Variants in CNOT10 observed in about 807,000 individuals in gnomAD.
The protein encoded by CNOT10 is CCR4-NOT transcription complex, subunit 10.
A neutral mutation model predicts 94.6 loss-of-function variants in CNOT10; 30 were observed. The observed-to-expected ratio is 0.32, with a 90% CI of 0.24 to 0.43. The LOEUF (loss-of-function observed/expected upper bound fraction) is 0.43, where lower values mean the gene tolerates loss of function less well. Ranked by LOEUF, CNOT10 falls within the 20% of genes least tolerant of loss-of-function variation. The pLI is 1.00. For synonymous variants in CNOT10, 289 were observed against 301.6 expected (o/e 0.96, Z 0.43); for missense variants, 759 against 877.2 (o/e 0.87, Z 1.70).
Position 32,759,500 on chromosome 3 carries a change from G to A in CNOT10, c.1638G>A (p.Leu546=). 5 of 1,614,032 alleles carry A rather than the reference G, an allele frequency of 3.1e-6. No homozygotes were observed. In the South Asian group the frequency reaches 4.4e-5, roughly 14 times the overall value. The change falls in exon 14 of 19, where the codon TTG becomes TTA. Residue 546 remains leucine (L), a synonymous_variant. Transcript: ENST00000328834. ...LACSAYVALA[L]GDNLMALNHA... Reference sequence around the variant, plus strand: ...GCAGTGCCTACGTGGCTCTGGCTTTGGGTGATAACCTCATGGCTTTGAATC... The same window carrying A: ...GCAGTGCCTACGTGGCTCTGGCTTTAGGTGATAACCTCATGGCTTTGAATC...
chr3:32,737,077 G>A (rs1433879354), intron 12 of CNOT10, among the ~76,000 whole-genome samples: 1 of 152,200 alleles, frequency 6.6e-6, no homozygotes, highest in East Asian at 1.9e-4. Context: ...ACTTTGGGAG[G>A]CCAAGGCAGG....
rs188149027 is a variant in CNOT10, at chr3:32,765,229, A to G, written c.2004+420A>G. On this transcript the variant is annotated intron_variant, in intron 17 of 18. Coordinates refer to ENST00000328834, the MANE Select transcript of CNOT10 (RefSeq NM_015442.3). ...GCTACTCGGGAGGCTGAAGCAGGAG[A>G]ATCGCTTGAATCCGGGAGGCGGAGG... is the stretch of plus-strand genomic sequence containing the variant. 4.1e-4 allele frequency: 113 copies of G among 274,042 alleles called. No individual in the cohort carries two copies. The East Asian group carries it at 6.6e-3, about 16-fold the overall frequency. 17.0% of individuals were successfully genotyped at this position (274,042 alleles called of 1,614,324 possible).
At chr3:32,753,844 T>G in intron 13 of CNOT10, 1 of 1,532,204 alleles carries the variant, frequency 6.5e-7, no homozygotes, top group Non-Finnish European at 9.0e-7. Context: ...GCTGGTCTGA[T>G]GTAGGTAAAA....
intron 13 of CNOT10, among the ~76,000 whole-genome samples, chr3:32,755,963 T>C (rs1157941799): frequency 6.6e-6 from 1 of 152,098 alleles, no homozygotes; most frequent in African/African-American, 2.4e-5. Flanking sequence ...GTAAAGCAGA[T>C]TGGACAGTGA....
At chr3:32,745,472 G>GAT (rs1279306836) in intron 13 of CNOT10, among the ~76,000 whole-genome samples, 1 of 946 alleles carries the variant, frequency 1.1e-3, no homozygotes, top group Non-Finnish European at 2.6e-3. Context: ...ATTAAGGATT[G>GAT]AATAAACATT....
chr3:32,762,895 C>A, intron 15 of CNOT10, 32 bp downstream of exon 15: 2 of 1,475,330 alleles, frequency 1.4e-6, no homozygotes, highest in South Asian at 2.9e-5. Flanking sequence ...CAGAACTGGT[C>A]ACTGTTTCCA....
intron 8 of CNOT10, among the ~76,000 whole-genome samples, chr3:32,721,626 A>G (rs1370688347): frequency 6.6e-6 from 1 of 150,958 alleles, no homozygotes; most frequent in East Asian, 1.9e-4. Context: ...AATGCTAGGA[A>G]GATAAGTATT....
chr3:32,758,784 A>G (rs953124483), intron 13 of CNOT10, among the ~76,000 whole-genome samples: 4 of 152,232 alleles, frequency 2.6e-5, no homozygotes, highest in African/African-American at 4.8e-5. Flanking sequence ...AATATTATAG[A>G]AACTTAGATT....
In CNOT10 at chr3:32,759,673, A is replaced by G; in HGVS notation, c.1709+102A>G. On this transcript the variant is annotated intron_variant, in intron 14 of 18. Coordinates refer to ENST00000328834, the MANE Select transcript of CNOT10 (RefSeq NM_015442.3). ...TCTTTTGACTCCTCCAGTGGAATAT[A>G]TATTTGTAAGGAAAGCAACTGTTTA... 8 of 799,462 alleles carry G rather than the reference A, an allele frequency of 1.0e-5. 1 individual carries two copies. In the Admixed American group the frequency reaches 1.3e-4, roughly 13 times the overall value. 49.5% of individuals were successfully genotyped at this position (799,462 alleles called of 1,614,324 possible). A position where few individuals can be genotyped will look rare whatever the true frequency, so the allele number is the denominator to read the frequency against.
chr3:32,687,210 C>A (rs1052417696), intron 1 of CNOT10, among the ~76,000 whole-genome samples: 30 of 152,026 alleles, frequency 2.0e-4, no homozygotes, highest in African/African-American at 5.3e-4. Context: ...TTAATATGAT[C>A]TATGTCGCAT....
intron 13 of CNOT10, among the ~76,000 whole-genome samples, chr3:32,750,600 T>C (rs1043993632): frequency 6.6e-5 from 10 of 152,114 alleles, no homozygotes; most frequent in Non-Finnish European, 1.5e-4. Context: ...TTGCCCAGGC[T>C]GGAGTGCACT....
chr3:32,699,398 ATATT>A (rs1193424470), intron 1 of CNOT10, among the ~76,000 whole-genome samples: 1 of 152,210 alleles, frequency 6.6e-6, no homozygotes, highest in Non-Finnish European at 1.5e-5. Flanking sequence ...CTCTTGAAGA[ATATT>A]TATTTCTAGA....
At chr3:32,757,233 G>T (rs1373841763) in intron 13 of CNOT10, among the ~76,000 whole-genome samples, 2 of 128,028 alleles carry the variant, frequency 1.6e-5, no homozygotes, top group Non-Finnish European at 3.1e-5. Flanking sequence ...AGGCTGGAGC[G>T]CAATGGCGTG....
intron 13 of CNOT10, chr3:32,752,887 C>T (rs1433748332): frequency 4.5e-5 from 15 of 336,782 alleles, no homozygotes; most frequent in Non-Finnish European, 6.4e-5. Flanking sequence ...GCAGCTCCGG[C>T]GGCAGCAGCA....
chr3:32,737,495 G>A lies in CNOT10; in HGVS notation c.1595+5G>A. The A allele has an allele frequency of 6.4e-7, 1 of 1,566,032 alleles. No homozygotes were observed. ...ACAGGAATTAGAAAACTTAAAGTGA[G>A]TATCTAAACAAAATTAGCATTGCAT... is the stretch of plus-strand genomic sequence containing the variant. On this transcript the variant is annotated splice_donor_5th_base_variant and intron_variant, in intron 13 of 18. Transcript: ENST00000328834.
At chr3:32,737,893 A>G (rs982812305) in intron 13 of CNOT10, among the ~76,000 whole-genome samples, 2 of 152,148 alleles carry the variant, frequency 1.3e-5, no homozygotes, top group Non-Finnish European at 2.9e-5. Context: ...CAATCTTTCA[A>G]TCTTGTGATA....
intron 3 of CNOT10, among the ~76,000 whole-genome samples, chr3:32,706,240 G>A (rs909674978): frequency 2.6e-5 from 4 of 152,150 alleles, no homozygotes; most frequent in African/African-American, 9.7e-5. Flanking sequence ...GATGCTTACT[G>A]ATAATCTAGT....
chr3:32,714,353 C>G (rs1444549009), intron 5 of CNOT10, among the ~76,000 whole-genome samples: 1 of 150,900 alleles, frequency 6.6e-6, no homozygotes, highest in South Asian at 2.1e-4. Context: ...AATCCATAAC[C>G]TGGATAAACA....
intron 1 of CNOT10, chr3:32,695,542 G>A: frequency 6.6e-7 from 1 of 1,517,218 alleles, no homozygotes; most frequent in Non-Finnish European, 8.8e-7. Flanking sequence ...TGTGCTTTCA[G>A]TTAACTGATG....
Sources: gnomAD v4.1 joint callset for allele counts (sites outside exome capture counted in the v4.1 genomes callset) on GRCh38, gnomAD v4.1.1 for gene constraint, MANE v1.5 for transcripts, NCBI Gene and HGNC (gene_info 2026-07-23, HGNC 2026-07-21) for gene names.